The following PRKN variants were observed in gnomAD, a reference collection of about 807,000 sequenced individuals.
PRKN encodes the protein E3 ubiquitin-protein ligase parkin.
PRKN carries 56 observed loss-of-function variants against 59.5 expected under a neutral mutation model. That is an observed-to-expected ratio of 0.94 (90% confidence interval 0.76 to 1.18). PRKN has a LOEUF of 1.18. Among genes scored for constraint, PRKN ranks in the 50% most tolerant of loss-of-function variants. PRKN has a pLI of 0.00. For missense variants in PRKN, 657 were observed against 596.4 expected (o/e 1.10, Z -1.06); for synonymous variants, 250 against 222.1 (o/e 1.13, Z -1.12).
intron 4 of PRKN, 117 bp downstream of exon 4, chr6:162,201,014 A>G (rs1784706632): frequency 8.6e-7 from 1 of 1,160,478 alleles, no homozygotes; most frequent in Non-Finnish European, 1.3e-6. Flanking sequence ...ACAACCACAG[A>G]AGAGAATGTC....
chr6:162,025,018 T>C (rs989384755), intron 5 of PRKN, among the ~76,000 whole-genome samples: 1 of 148,668 alleles, frequency 6.7e-6, no homozygotes, highest in Non-Finnish European at 1.5e-5. Context: ...GATTGTATTT[T>C]TTTTTTTTTT....
chr6:162,584,773 T>TTCCTTTCCTC (rs1780941666), intron 1 of PRKN, among the ~76,000 whole-genome samples: 1 of 105,020 alleles, frequency 9.5e-6, no homozygotes, highest in Non-Finnish European at 2.0e-5. Flanking sequence ...CTCTTTTCTT[T>TTCCTTTCCTC]TCCTCTCCTC....
rs373539796 is a variant in PRKN, at chr6:161,545,301, C to T, written c.1083+3553G>A. 1.0e-5 allele frequency: 16 copies of T among 1,553,952 alleles called. 1 individual carries two copies. The highest frequency in any genetic ancestry group is 7.2e-5 in the South Asian group (6 of 83,634). ...TCCTGATAATCACTGGAGTTAATGA[C>T]GTCTAGGGCTTTTTCCACATCTGGA... On this transcript the variant is annotated intron_variant, in intron 9 of 11. Coordinates refer to ENST00000366898, the MANE Select transcript of PRKN (RefSeq NM_004562.3). This position sits in a 1 kb window ranked among gnomAD's most constrained non-coding sequence, Gnocchi z 4.1.
At chr6:161,496,093 A>G (rs1777738736) in intron 9 of PRKN, among the ~76,000 whole-genome samples, 1 of 152,252 alleles carries the variant, frequency 6.6e-6, no homozygotes. Context: ...AATAAATGTA[A>G]TTAAGAGGCT....
intron 2 of PRKN, among the ~76,000 whole-genome samples, chr6:162,273,469 T>G (rs1294375401): frequency 2.0e-5 from 3 of 152,234 alleles, no homozygotes; most frequent in Non-Finnish European, 4.4e-5. Context: ...GTGCTCTGTA[T>G]ATCCTTTAGT....
At chr6:162,012,740 C>T (rs1024308761) in intron 5 of PRKN, among the ~76,000 whole-genome samples, 2 of 152,082 alleles carry the variant, frequency 1.3e-5, no homozygotes, top group African/African-American at 2.4e-5. Context: ...CTTTCAGTCC[C>T]CTCTGATCTG....
rs899826042 is a variant in PRKN, at chr6:161,905,884, C to T, written c.734+67418G>A. Among the ~76,000 whole-genome samples, 5 of 146,612 alleles carry T rather than the reference C, an allele frequency of 3.4e-5. No individual in the cohort carries two copies. The South Asian group carries it at 6.4e-4, about 19-fold the overall frequency. The stretch of plus-strand genomic sequence containing the variant: ...CTGAGGCAGGAGAATCACTTGAACC[C>T]GAGAGGTGGAGGTTGCAGTAAGCCA... On this transcript the variant is annotated intron_variant, in intron 6 of 11. Transcript: ENST00000366898.
At position 161,886,970 on chromosome 6, in the gene PRKN, A is replaced by C. The variant is rs552701577; in HGVS notation, c.734+86332T>G. ...GTTTGCTTGTCAAAAACTTCTGAAGAAAGATGTGTAGAAATTATTACTGAT... is the reference window on the plus strand; with the variant it reads ...GTTTGCTTGTCAAAAACTTCTGAAGCAAGATGTGTAGAAATTATTACTGAT... On this transcript the variant is annotated intron_variant, in intron 6 of 11. Coordinates refer to ENST00000366898, the MANE Select transcript of PRKN (RefSeq NM_004562.3). 9.3e-4 allele frequency among the ~76,000 whole-genome samples: 142 copies of C among 152,310 alleles called. 1 individual carries two copies. The highest frequency in any genetic ancestry group is 3.3e-3 in the African/African-American group (137 of 41,578).
At chr6:161,750,456 A>G (rs1788640930) in intron 7 of PRKN, among the ~76,000 whole-genome samples, 1 of 152,232 alleles carries the variant, frequency 6.6e-6, no homozygotes, top group East Asian at 1.9e-4. Flanking sequence ...TGACAAATCC[A>G]TAAGTGAATA....
chr6:162,364,563 A>T (rs1583444534), intron 2 of PRKN, among the ~76,000 whole-genome samples: 1 of 152,242 alleles, frequency 6.6e-6, no homozygotes, highest in African/African-American at 2.4e-5. Context: ...ACATCAAAGA[A>T]GGTTCTCAAA....
intron 2 of PRKN, among the ~76,000 whole-genome samples, chr6:162,279,926 A>G (rs1198687782): frequency 1.3e-5 from 2 of 152,088 alleles, no homozygotes; most frequent in African/African-American, 2.4e-5. Context: ...CCATTATGTA[A>G]TGCCTTTCTT....
chr6:161,669,968 G>A (rs1284333306), intron 7 of PRKN, among the ~76,000 whole-genome samples: 2 of 152,212 alleles, frequency 1.3e-5, no homozygotes, highest in African/African-American at 4.8e-5. Flanking sequence ...GAAATGGGAA[G>A]CTTTTGGTTT....
intron 6 of PRKN, among the ~76,000 whole-genome samples, chr6:161,832,085 T>G (rs1271386890): frequency 1.3e-5 from 2 of 152,238 alleles, no homozygotes; most frequent in Non-Finnish European, 2.9e-5. Flanking sequence ...GATTCACATG[T>G]TCTTCCTTTT....
intron 1 of PRKN, among the ~76,000 whole-genome samples, chr6:162,461,524 A>G (rs1025629476): frequency 6.8e-6 from 1 of 147,860 alleles, no homozygotes; most frequent in East Asian, 2.0e-4. Flanking sequence ...AAAAAAAAAA[A>G]AAAAGAAAGA....
intron 1 of PRKN, among the ~76,000 whole-genome samples, chr6:162,613,350 T>C (rs367820250): frequency 6.6e-6 from 1 of 152,222 alleles, no homozygotes; most frequent in African/African-American, 2.4e-5. Flanking sequence ...TTAAGGGAAT[T>C]TGTGTAATAC....
chr6:162,034,593 TATG>T (rs1783770187), intron 5 of PRKN, among the ~76,000 whole-genome samples: 1 of 152,212 alleles, frequency 6.6e-6, no homozygotes, highest in South Asian at 2.1e-4. Flanking sequence ...AAGAATTCCT[TATG>T]ATGAAGAACA....
chr6:162,683,666 T>C (rs981406548), intron 1 of PRKN, among the ~76,000 whole-genome samples: 1 of 152,102 alleles, frequency 6.6e-6, no homozygotes, highest in African/African-American at 2.4e-5. Context: ...AAAACTATAA[T>C]TACTCTAAGA....
intron 1 of PRKN, among the ~76,000 whole-genome samples, chr6:162,562,579 G>A (rs1583810236): frequency 6.6e-6 from 1 of 152,162 alleles, no homozygotes; most frequent in African/African-American, 2.4e-5. Context: ...CATGGTCTGG[G>A]GTAGTGGTGA....
At chr6:162,361,153 A>G (rs890256947) in intron 2 of PRKN, among the ~76,000 whole-genome samples, 7 of 152,132 alleles carry the variant, frequency 4.6e-5, no homozygotes, top group African/African-American at 1.4e-4. Flanking sequence ...TAACTTGTAA[A>G]CATCAGTCAA....
Sources: gnomAD v4.1 joint callset for allele counts (sites outside exome capture counted in the v4.1 genomes callset) on GRCh38, gnomAD v4.1.1 for gene constraint, Gnocchi (gnomAD v3.1) non-coding constraint, MANE v1.5 for transcripts, NCBI Gene and HGNC (gene_info 2026-07-23, HGNC 2026-07-21) for gene names.